The following KIAA1549L variants were observed in gnomAD, a reference collection of about 807,000 sequenced individuals.
KIAA1549L encodes KIAA1549 like.
A neutral mutation model predicts 160.7 loss-of-function variants in KIAA1549L; 88 were observed. The observed-to-expected ratio is 0.55, with a 90% CI of 0.46 to 0.65. KIAA1549L has a LOEUF of 0.65. Among genes scored for constraint, KIAA1549L ranks in the 30% least tolerant of loss-of-function variants. KIAA1549L has a pLI of 0.00. For missense variants in KIAA1549L, 2,258 were observed against 2,437.5 expected (o/e 0.93, Z 1.55); for synonymous variants, 950 against 976.7 (o/e 0.97, Z 0.51).
At chr11:33,621,114 T>A (rs1850948397) in intron 16 of KIAA1549L, among the ~76,000 whole-genome samples, 1 of 152,182 alleles carries the variant, frequency 6.6e-6, no homozygotes, top group Non-Finnish European at 1.5e-5. Flanking sequence ...TTACGTTTTT[T>A]GAAAGATGAC....
chr11:33,589,579 C>G (rs1489283381), intron 11 of KIAA1549L, among the ~76,000 whole-genome samples: 1 of 152,082 alleles, frequency 6.6e-6, no homozygotes, highest in African/African-American at 2.4e-5. Flanking sequence ...TACTATGCAG[C>G]CATAAAAAAT....
intron 1 of KIAA1549L, among the ~76,000 whole-genome samples, chr11:33,520,684 A>AACACACACACACACACACACACACACAC (rs60029190): frequency 2.4e-5 from 2 of 84,798 alleles, no homozygotes; most frequent in Admixed American, 2.6e-4. Context: ...CCCCACCCCC[A>AACACACACACACACACACACACACACAC]ACACACACAC....
chr11:33,493,163 A>C (rs1401533583), intron 1 of KIAA1549L, among the ~76,000 whole-genome samples: 1 of 152,030 alleles, frequency 6.6e-6, no homozygotes, highest in Non-Finnish European at 1.5e-5. Flanking sequence ...TGTGGTTTGA[A>C]TGTGTCTCCC....
At chr11:33,632,455 G>A (rs182566515) in intron 16 of KIAA1549L, among the ~76,000 whole-genome samples, 39 of 152,336 alleles carry the variant, frequency 2.6e-4, no homozygotes, top group Non-Finnish European at 4.7e-4. Context: ...AGGCCCCATC[G>A]ATGGAGCTGG....
intron 1 of KIAA1549L, among the ~76,000 whole-genome samples, chr11:33,503,440 A>G (rs1853000780): frequency 1.3e-5 from 2 of 152,158 alleles, no homozygotes; most frequent in South Asian, 2.1e-4. Context: ...TTTCTATTGT[A>G]TATGTATGTG....
rs1420296057 is a variant in KIAA1549L at position 33,541,785 on chromosome 11, G to C, written c.239-17G>C. ...ATGAGCATCCAACACCTGACGGCCT[G>C]ATATTTTGTTTCACAGGAACAGACA... On this transcript the variant is annotated splice_polypyrimidine_tract_variant and intron_variant, in intron 1 of 20. Coordinates refer to ENST00000658780, the MANE Select transcript of KIAA1549L (RefSeq NM_012194.3). 1 of 249,246 alleles carries C rather than the reference G, an allele frequency of 4.0e-6. No individual in the cohort carries two copies. The highest frequency in any genetic ancestry group is 9.1e-5 in the East Asian group (1 of 10,936). 15.4% of individuals were successfully genotyped at this position (249,246 alleles called of 1,614,324 possible). A position where few individuals can be genotyped will look rare whatever the true frequency, so the allele number is the denominator to read the frequency against.
At chr11:33,644,396 C>T (rs1851663171) in intron 16 of KIAA1549L, among the ~76,000 whole-genome samples, 1 of 152,184 alleles carries the variant, frequency 6.6e-6, no homozygotes, top group Admixed American at 6.5e-5. Flanking sequence ...GAAGGACTCC[C>T]CATTTTGGGT....
At chr11:33,613,012 G>A (rs1474522921) in intron 15 of KIAA1549L, among the ~76,000 whole-genome samples, 2 of 152,102 alleles carry the variant, frequency 1.3e-5, no homozygotes, top group Non-Finnish European at 2.9e-5. Flanking sequence ...TCATTTATGG[G>A]CATTTAGGTT....
At chr11:33,483,396 G>T (rs1852454267) in intron 1 of KIAA1549L, among the ~76,000 whole-genome samples, 1 of 152,138 alleles carries the variant, frequency 6.6e-6, no homozygotes, top group African/African-American at 2.4e-5. Flanking sequence ...ATGTGGGTGG[G>T]TTGGGTACAT....
At chr11:33,630,046 G>T (rs1427435124) in intron 16 of KIAA1549L, among the ~76,000 whole-genome samples, 1 of 152,114 alleles carries the variant, frequency 6.6e-6, no homozygotes, top group Non-Finnish European at 1.5e-5. Context: ...GTACTGGACC[G>T]TGTGAGGTGT....
At chr11:33,517,134 G>A (rs147728737) in intron 1 of KIAA1549L, among the ~76,000 whole-genome samples, 4 of 152,272 alleles carry the variant, frequency 2.6e-5, no homozygotes, top group African/African-American at 7.2e-5. Flanking sequence ...CCTCGATGAC[G>A]ATGCTAGGGT....
At chr11:33,641,562 TA>T (rs1851579525) in intron 16 of KIAA1549L, among the ~76,000 whole-genome samples, 1 of 120,156 alleles carries the variant, frequency 8.3e-6, no homozygotes, top group South Asian at 2.7e-4. Flanking sequence ...TATAGTATGG[TA>T]ATGGATCTGT....
chr11:33,552,939 T>G (rs1437238493), intron 6 of KIAA1549L, among the ~76,000 whole-genome samples: 2 of 152,044 alleles, frequency 1.3e-5, no homozygotes, highest in Non-Finnish European at 2.9e-5. Context: ...AATGGGGTCC[T>G]TAATGAAGCC....
rs368277884 is a variant in KIAA1549L at position 33,551,183 on chromosome 11, C to G, written c.3645C>G (p.Thr1215=). ...SNVTADLKQH[T]PHLQSVAVLA... Reference sequence around the variant, plus strand: ...TCACTGCAGACCTGAAGCAACACACCCCACACTTACAGTCTGTGGCAGTAC... The same window carrying G: ...TCACTGCAGACCTGAAGCAACACACGCCACACTTACAGTCTGTGGCAGTAC... Residue 1215 remains threonine (T), a synonymous_variant, in exon 5 of 21, where the codon ACC becomes ACG. Transcript: ENST00000658780. 2.3e-4 allele frequency: 375 copies of G among 1,613,884 alleles called. No individual in the cohort carries two copies. The African/African-American group carries it at 4.5e-3, about 19-fold the overall frequency.
At chr11:33,379,051 C>T (rs945537140) in intron 1 of KIAA1549L, among the ~76,000 whole-genome samples, 1 of 152,164 alleles carries the variant, frequency 6.6e-6, no homozygotes, top group Non-Finnish European at 1.5e-5. Context: ...TGTTGCCACT[C>T]ATTGTAGAAT....
chr11:33,567,759 G>A (rs191099996), intron 8 of KIAA1549L, among the ~76,000 whole-genome samples: 6 of 152,150 alleles, frequency 3.9e-5, no homozygotes, highest in African/African-American at 1.2e-4. Context: ...GGCAGCATTC[G>A]CAGTGTCACA....
chr11:33,559,927 C>T lies in KIAA1549L; in HGVS notation c.4018+16C>T, dbSNP rs759041196. 6.2e-6 allele frequency: 10 copies of T among 1,609,434 alleles called. No homozygotes were observed. Among genetic ancestry groups the T allele is most frequent in the East Asian group, 2.2e-5 (1 of 44,768 alleles). On this transcript the variant is annotated intron_variant, in intron 7 of 20. Coordinates refer to ENST00000658780, the MANE Select transcript of KIAA1549L (RefSeq NM_012194.3). ...ATTGCTGAACGTGAGTATGGCCATG[C>T]CTATGGGGACCCCAGTGTTTCCCCT... is the stretch of plus-strand genomic sequence containing the variant.
At chr11:33,464,103 G>C (rs1156895001) in intron 1 of KIAA1549L, among the ~76,000 whole-genome samples, 1 of 152,194 alleles carries the variant, frequency 6.6e-6, no homozygotes, top group Non-Finnish European at 1.5e-5. Flanking sequence ...TCACAAGTGA[G>C]GAAACAGTCT....
At chr11:33,483,897 G>A (rs1159337023) in intron 1 of KIAA1549L, among the ~76,000 whole-genome samples, 1 of 152,066 alleles carries the variant, frequency 6.6e-6, no homozygotes, top group Non-Finnish European at 1.5e-5. Flanking sequence ...GTCTTTATCA[G>A]CAACGTGAAA....
Sources: allele counts gnomAD v4.1 joint callset (sites outside exome capture counted in the v4.1 genomes callset), GRCh38; gene constraint gnomAD v4.1.1; transcripts MANE v1.5; gene names NCBI Gene and HGNC (gene_info 2026-07-23, HGNC 2026-07-21).